SNAP47: variants seen among roughly 807,000 people sequenced by gnomAD.
SNAP47 encodes synaptosomal-associated protein 47.
A neutral mutation model predicts 31.4 loss-of-function variants in SNAP47; 20 were observed. That is an observed-to-expected ratio of 0.64 (90% CI 0.45 to 0.93). The LOEUF (loss-of-function observed/expected upper bound fraction) is 0.93. Ranked by LOEUF, SNAP47 falls within the 40% of genes least tolerant of loss-of-function variation. The pLI is 0.00. For missense variants in SNAP47, 492 were observed against 528.5 expected (o/e 0.93, Z 0.68); for synonymous variants, 194 against 213.4 (o/e 0.91, Z 0.79).
At chr1:227,754,269 T>A (rs1662558009) in intron 2 of SNAP47, among the ~76,000 whole-genome samples, 1 of 152,240 alleles carries the variant, frequency 6.6e-6, no homozygotes, top group African/African-American at 2.4e-5. Context: ...GACATCCAGC[T>A]GCCCTTGTGT....
chr1:227,730,859 T>C (rs913304438), upstream of SNAP47: 2 of 152,336 alleles, frequency 1.3e-5, no homozygotes, highest in African/African-American at 4.8e-5. Flanking sequence ...TCACCTCAGC[T>C]GCCTGCTGGC....
intron 3 of SNAP47, among the ~76,000 whole-genome samples, chr1:227,764,160 C>T (rs1194266289): frequency 6.6e-6 from 1 of 152,186 alleles, no homozygotes; most frequent in Non-Finnish European, 1.5e-5. Flanking sequence ...TCACTCATGA[C>T]CCCAAGGCAG....
At position 227,775,887 on chromosome 1, in the gene SNAP47, C is replaced by T. The variant is rs963152866; in HGVS notation, c.1114-4640C>T. 2.3e-6 allele frequency: 3 copies of T among 1,303,460 alleles called. No individual in the cohort carries two copies. The Admixed American group carries it at 6.9e-5, about 30-fold the overall frequency. The allele number at this position is 1,303,460 out of a possible 1,614,324, so 80.7% of individuals were successfully genotyped here. On this transcript the variant is annotated intron_variant, in intron 4 of 4. Coordinates refer to ENST00000617596, the MANE Select transcript of SNAP47 (RefSeq NM_053052.4). ...GGAGACAGAGACTTTCCTAGCAGGG[C>T]AGCAAGCGGAAGCTTTTCTTCCAGA... is the stretch of plus-strand genomic sequence containing the variant.
rs1458999841 is a variant in SNAP47 at position 227,749,769 on chromosome 1, G to A, written c.497+1536G>A. Among the ~76,000 whole-genome samples the A allele has an allele frequency of 4.8e-5, 6 of 124,316 alleles. No individual in the cohort carries two copies. In the East Asian group the frequency reaches 6.3e-4, roughly 13 times the overall value. 81.6% of individuals were successfully genotyped at this position (124,316 alleles called of 152,430 possible). The stretch of plus-strand genomic sequence containing the variant: ...GTGTGTCTGTGTGTGTCTGTGTGTC[G>A]TCTGTATGTGTATGTGTGTCTGTGT... On this transcript the variant is annotated intron_variant, in intron 2 of 4. Coordinates refer to ENST00000617596, the MANE Select transcript of SNAP47 (RefSeq NM_053052.4).
chr1:227,735,266 C>T, upstream of SNAP47: 1 of 1,605,338 alleles, frequency 6.2e-7, no homozygotes. Flanking sequence ...GCGCGTCTCG[C>T]GGTCCATCCA....
At chr1:227,729,077 G>A (rs1314872345) in intron 1 of SNAP47, among the ~76,000 whole-genome samples, 1 of 152,246 alleles carries the variant, frequency 6.6e-6, no homozygotes, top group Admixed American at 6.5e-5. Flanking sequence ...GCGTCTGCAG[G>A]ATTCTGCCCG....
chr1:227,771,779 C>T (rs1156698474), intron 4 of SNAP47, among the ~76,000 whole-genome samples: 2 of 151,718 alleles, frequency 1.3e-5, no homozygotes, highest in Non-Finnish European at 2.9e-5. Context: ...CTGAGCAGGG[C>T]CCATGGCTTC....
upstream of SNAP47, chr1:227,732,227 C>T (rs549214992): frequency 4.0e-6 from 3 of 758,752 alleles, no homozygotes; most frequent in East Asian, 2.6e-5. Flanking sequence ...CCTCATTGGG[C>T]CTCACCTGAA....
chr1:227,733,045 C>T (rs1660777044), upstream of SNAP47: 2 of 1,612,772 alleles, frequency 1.2e-6, no homozygotes, highest in Admixed American at 1.7e-5. Flanking sequence ...GGGCACAGTG[C>T]AGGCAGGCCT....
At chr1:227,733,037 G>A, upstream of SNAP47, 1 of 1,613,256 alleles carries the variant, frequency 6.2e-7, no homozygotes, top group Non-Finnish European at 8.5e-7. Context: ...CCTGGAAGGG[G>A]CACAGTGCAG....
chr1:227,759,799 G>A (rs1476275335), intron 3 of SNAP47: 1 of 401,684 alleles, frequency 2.5e-6, no homozygotes, highest in Non-Finnish European at 4.5e-6. Flanking sequence ...GGTCGCCAGT[G>A]TGGCAGGGCT....
intron 4 of SNAP47, among the ~76,000 whole-genome samples, chr1:227,778,434 C>T (rs925600154): frequency 6.6e-6 from 1 of 152,234 alleles, no homozygotes; most frequent in African/African-American, 2.4e-5. Flanking sequence ...TCTAAATACA[C>T]TTAAATCACA....
At chr1:227,732,384 G>A (rs374619250), upstream of SNAP47, 88 of 1,611,012 alleles carry the variant, frequency 5.5e-5, no homozygotes, top group Non-Finnish European at 6.7e-5. Context: ...CTATCCTCAC[G>A]ACAGGTGCTA....
intron 1 of SNAP47, among the ~76,000 whole-genome samples, chr1:227,744,306 T>C (rs2102906540): frequency 6.6e-6 from 1 of 152,148 alleles, no homozygotes; most frequent in Middle Eastern, 3.4e-3. Flanking sequence ...GAGCTGGTGA[T>C]CTGGACTGAT....
upstream of SNAP47, chr1:227,732,338 C>G (rs1301159133): frequency 6.3e-7 from 1 of 1,590,530 alleles, no homozygotes; most frequent in Non-Finnish European, 8.6e-7. Context: ...TGGAAGGGCC[C>G]CGGAGCAGGA....
intron 1 of SNAP47, among the ~76,000 whole-genome samples, chr1:227,736,865 T>C (rs1661239602): frequency 6.6e-6 from 1 of 151,988 alleles, no homozygotes; most frequent in African/African-American, 2.4e-5. Context: ...TAGAGTGGGC[T>C]GCGGTAGTCC....
At chr1:227,731,790 C>G (rs780570913), upstream of SNAP47, 1 of 157,058 alleles carries the variant, frequency 6.4e-6, no homozygotes. Context: ...CATCTGTGGC[C>G]TCTCCAGCTG....
rs1190564465 is a variant in SNAP47, at chr1:227,735,795, C to T, written c.-46+296C>T. Reference sequence around the variant, plus strand: ...GGGATCTAGCGGAGATGGTAGGGTCCTGGAGGAGATGGTGGGGACCTGGAG... The same window carrying T: ...GGGATCTAGCGGAGATGGTAGGGTCTTGGAGGAGATGGTGGGGACCTGGAG... On this transcript the variant is annotated intron_variant, in intron 1 of 4. Coordinates refer to ENST00000617596, the MANE Select transcript of SNAP47 (RefSeq NM_053052.4). 5 of 880,646 alleles carry T rather than the reference C, an allele frequency of 5.7e-6. No individual in the cohort carries two copies. The African/African-American group carries it at 7.2e-5, about 13-fold the overall frequency. The allele number at this position is 880,646 out of a possible 1,614,324, so 54.6% of individuals were successfully genotyped here.
upstream of SNAP47, chr1:227,733,955 A>G (rs1308517632): frequency 6.2e-7 from 1 of 1,613,972 alleles, no homozygotes; most frequent in South Asian, 1.1e-5. Context: ...ATCCACATCC[A>G]GTGCATCCCA....
Sources: allele counts gnomAD v4.1 joint callset (sites outside exome capture counted in the v4.1 genomes callset), GRCh38; gene constraint gnomAD v4.1.1; transcripts MANE v1.5; gene names NCBI Gene and HGNC (gene_info 2026-07-23, HGNC 2026-07-21).